CTNNA2: variants seen among roughly 807,000 people sequenced by gnomAD.
CTNNA2 encodes the protein catenin alpha-2.
In CTNNA2, 42 loss-of-function variants were observed where a neutral mutation model predicts 101.0. That is an observed-to-expected ratio of 0.42 (90% CI 0.32 to 0.54). The LOEUF (loss-of-function observed/expected upper bound fraction) is 0.54, where lower values mean the gene tolerates loss of function less well. Ranked by LOEUF, CTNNA2 falls within the 20% of genes least tolerant of loss-of-function variation. CTNNA2 has a pLI of 0.14. For missense variants in CTNNA2, 871 were observed against 1,223.1 expected, an observed-to-expected ratio of 0.71 and a Z score of 4.29; for synonymous variants, 450 against 456.4, an observed-to-expected ratio of 0.99 and a Z score of 0.18.
intron 7 of CTNNA2, among the ~76,000 whole-genome samples, chr2:80,280,055 G>C (rs932536952): frequency 1.3e-5 from 2 of 151,754 alleles, no homozygotes; most frequent in Non-Finnish European, 2.9e-5. Context: ...GCTAAGGTCA[G>C]GGCCTCCGTC....
At chr2:79,202,229 A>T (rs1674044784) in intron 2 of CTNNA2, among the ~76,000 whole-genome samples, 2 of 151,712 alleles carry the variant, frequency 1.3e-5, no homozygotes, top group African/African-American at 4.9e-5. Context: ...TCCCAGCTTG[A>T]TTTTCTTCTT....
chr2:80,599,798 C>T (rs1697314107), intron 15 of CTNNA2, among the ~76,000 whole-genome samples: 1 of 151,668 alleles, frequency 6.6e-6, no homozygotes, highest in Admixed American at 6.6e-5. Context: ...TATTTTTATA[C>T]TTTTTAGGGT....
chr2:79,585,009 A>G (rs1558749614), intron 1 of CTNNA2, among the ~76,000 whole-genome samples: 1 of 152,160 alleles, frequency 6.6e-6, no homozygotes, highest in African/African-American at 2.4e-5. Flanking sequence ...AGTTTTTCCT[A>G]TCTTTTTGAG....
At chr2:80,071,108 C>T (rs1292199689) in intron 7 of CTNNA2, among the ~76,000 whole-genome samples, 3 of 152,316 alleles carry the variant, frequency 2.0e-5, no homozygotes, top group Admixed American at 6.5e-5. Context: ...CATTATTCAG[C>T]CTATTACAAA....
intron 7 of CTNNA2, among the ~76,000 whole-genome samples, chr2:79,942,998 C>A (rs944917430): frequency 6.6e-6 from 1 of 152,132 alleles, no homozygotes; most frequent in Non-Finnish European, 1.5e-5. Context: ...GGGTGGATCA[C>A]CTGAGGTCAG....
Position 80,393,249 on chromosome 2 carries a change from G to A in CTNNA2, c.1095G>A (p.Ala365=), listed in dbSNP as rs565585755. ...AAAAAGGAGATCCTCTCAACATTGC[G>A]ATTGATAAGATGACTAAGAAAACAA... ...RKEKGDPLNI[A]IDKMTKKTRD... The change falls in exon 8 of 19, where the codon GCG becomes GCA. Residue 365 remains alanine (A), a synonymous_variant. Coordinates refer to ENST00000402739, the MANE Select transcript of CTNNA2 (RefSeq NM_001282597.3). 5.6e-6 allele frequency: 9 copies of A among 1,610,604 alleles called. No individual in the cohort carries two copies. Among genetic ancestry groups the A allele is most frequent in the East Asian group, 4.5e-5 (2 of 44,742 alleles).
intron 7 of CTNNA2, among the ~76,000 whole-genome samples, chr2:80,094,746 G>C (rs1343330051): frequency 6.6e-6 from 1 of 152,048 alleles, no homozygotes; most frequent in Non-Finnish European, 1.5e-5. Context: ...GGATTCCTAG[G>C]TATTTTATTC....
chr2:80,594,761 C>G (rs1696799954), intron 15 of CTNNA2, among the ~76,000 whole-genome samples: 1 of 151,956 alleles, frequency 6.6e-6, no homozygotes, highest in Admixed American at 6.6e-5. Flanking sequence ...AAACACTGCC[C>G]TTTTCCAAGA....
chr2:80,619,060 C>A, intron 17 of CTNNA2, 25 bp from the exon 18 acceptor site: 2 of 1,365,228 alleles, frequency 1.5e-6, no homozygotes, highest in Non-Finnish European at 1.9e-6. Context: ...CTCATTCTCT[C>A]TTTTCTGTAT....
intron 1 of CTNNA2, among the ~76,000 whole-genome samples, chr2:79,529,424 T>C (rs1466934327): frequency 2.0e-5 from 3 of 152,136 alleles, no homozygotes; most frequent in Non-Finnish European, 4.4e-5. Context: ...ATGCAAGTCT[T>C]CAATAGACAT....
At chr2:80,098,418 G>A (rs1434623270) in intron 7 of CTNNA2, among the ~76,000 whole-genome samples, 2 of 151,560 alleles carry the variant, frequency 1.3e-5, no homozygotes, top group African/African-American at 2.4e-5. Flanking sequence ...CCGCCCCCAC[G>A]GGGGGGTTGC....
intron 9 of CTNNA2, among the ~76,000 whole-genome samples, chr2:80,484,263 C>T (rs1000042439): frequency 2.0e-5 from 3 of 151,976 alleles, no homozygotes; most frequent in Non-Finnish European, 2.9e-5. Context: ...ATTTATAACA[C>T]GTACCTATGA....
intron 2 of CTNNA2, among the ~76,000 whole-genome samples, chr2:79,256,698 G>A (rs1053068252): frequency 3.3e-5 from 5 of 152,122 alleles, no homozygotes; most frequent in African/African-American, 7.2e-5. Context: ...GAGTAGAAGG[G>A]GCAATGTCCC....
At chr2:80,154,981 T>C (rs1703921088) in intron 7 of CTNNA2, among the ~76,000 whole-genome samples, 2 of 150,824 alleles carry the variant, frequency 1.3e-5, no homozygotes, top group Admixed American at 1.3e-4. Context: ...TTGAGATAAA[T>C]AACACTTCAT....
chr2:80,009,538 C>A (rs1299552159), intron 7 of CTNNA2, among the ~76,000 whole-genome samples: 1 of 152,136 alleles, frequency 6.6e-6, no homozygotes, highest in Non-Finnish European at 1.5e-5. Context: ...CAGGCATGCA[C>A]ATGTGCACAC....
intron 4 of CTNNA2, among the ~76,000 whole-genome samples, chr2:79,449,390 G>T (rs1678865801): frequency 6.6e-6 from 1 of 152,000 alleles, no homozygotes; most frequent in South Asian, 2.1e-4. Flanking sequence ...AAGCAAAAAG[G>T]TGGTATTAGC....
At chr2:79,262,288 T>C (rs933950824) in intron 2 of CTNNA2, among the ~76,000 whole-genome samples, 33 of 152,090 alleles carry the variant, frequency 2.2e-4, no homozygotes, top group Non-Finnish European at 1.5e-5. Context: ...TAAAAACCCT[T>C]TAGAAAGGAT....
At chr2:79,535,914 A>G (rs576123092) in intron 1 of CTNNA2, among the ~76,000 whole-genome samples, 2 of 152,340 alleles carry the variant, frequency 1.3e-5, no homozygotes, top group African/African-American at 2.4e-5. Flanking sequence ...CTGCCTTGCC[A>G]TAAAATATCA....
intron 16 of CTNNA2, among the ~76,000 whole-genome samples, chr2:80,606,738 G>A (rs555570666): frequency 1.2e-4 from 18 of 151,862 alleles, no homozygotes; most frequent in African/African-American, 1.7e-4. Flanking sequence ...TTATTTTGCC[G>A]GAAAATATTT....
Sources: gnomAD v4.1 joint callset for allele counts (sites outside exome capture counted in the v4.1 genomes callset) on GRCh38, gnomAD v4.1.1 for gene constraint, MANE v1.5 for transcripts, NCBI Gene and HGNC (gene_info 2026-07-23, HGNC 2026-07-21) for gene names.